TNIK: variants seen among roughly 807,000 people sequenced by gnomAD.
The protein encoded by TNIK is TRAF2 and NCK interacting kinase, also known as TRAF2 and NCK-interacting protein kinase.
In TNIK, 49 loss-of-function variants were observed where a neutral mutation model predicts 191.3. That is an observed-to-expected ratio of 0.26 (90% CI 0.20 to 0.32). TNIK has a LOEUF of 0.32. Ranked by LOEUF, TNIK falls within the 10% of genes least tolerant of loss-of-function variation. TNIK has a pLI of 1.00. For missense variants in TNIK, 1,155 were observed against 1,702.3 expected (o/e 0.68, Z 5.66); for synonymous variants, 594 against 600.9 (o/e 0.99, Z 0.17).
At chr3:171,119,294 C>T (rs891411868) in intron 18 of TNIK, among the ~76,000 whole-genome samples, 1 of 152,132 alleles carries the variant, frequency 6.6e-6, no homozygotes, top group African/African-American at 2.4e-5. Context: ...GGAAACAACA[C>T]GTCCTGGAGA....
intron 2 of TNIK, among the ~76,000 whole-genome samples, chr3:171,335,292 GTT>G (rs1339072193): frequency 6.6e-6 from 1 of 152,098 alleles, no homozygotes; most frequent in Non-Finnish European, 1.5e-5. Context: ...TCCAAATTTT[GTT>G]TTTTCTTGTT....
intron 2 of TNIK, among the ~76,000 whole-genome samples, chr3:171,302,571 C>T (rs544926010): frequency 6.6e-6 from 1 of 151,728 alleles, no homozygotes; most frequent in African/African-American, 2.4e-5. Context: ...GGAACCCGAA[C>T]ATTAGACTTT....
intron 2 of TNIK, among the ~76,000 whole-genome samples, chr3:171,320,881 G>T (rs955638530): frequency 2.6e-5 from 4 of 152,144 alleles, no homozygotes; most frequent in Non-Finnish European, 5.9e-5. Context: ...ACTCCTGCTG[G>T]CTTGCCTAAA....
chr3:171,120,125 GTCTTC>G (rs1272874637), intron 18 of TNIK, among the ~76,000 whole-genome samples: 2 of 152,054 alleles, frequency 1.3e-5, no homozygotes, highest in Admixed American at 6.5e-5. Flanking sequence ...TAATTCAAGA[GTCTTC>G]TCTTCAGGGT....
intron 2 of TNIK, among the ~76,000 whole-genome samples, chr3:171,269,309 C>A (rs1338327634): frequency 3.9e-5 from 6 of 152,232 alleles, no homozygotes; most frequent in Admixed American, 3.9e-4. Flanking sequence ...TCCAGACACA[C>A]AGTTGAAACA....
rs545299858 is a variant in TNIK at position 171,360,173 on chromosome 3, A to G, written c.123+9447T>C. 9.2e-5 allele frequency among the ~76,000 whole-genome samples: 14 copies of G among 152,332 alleles called. No individual in the cohort carries two copies. The South Asian group carries it at 2.9e-3, about 32-fold the overall frequency. ...TCATCACTATTAGAAATTTTGTATC[A>G]TCATTCACTGAGGCAGTGAGAACCT... is the stretch of plus-strand genomic sequence containing the variant. On this transcript the variant is annotated intron_variant, in intron 2 of 32. Coordinates refer to ENST00000436636, the MANE Select transcript of TNIK (RefSeq NM_015028.4).
chr3:171,128,836 T>C lies in TNIK; in HGVS notation c.1651A>G (p.Met551Val). ...SRLNRQSSPAMPHKVANRISD... is the reference protein window; with the variant it reads ...SRLNRQSSPAVPHKVANRISD... The stretch of plus-strand genomic sequence containing the variant: ...ATCCTGTTGGCAACCTTGTGAGGCA[T>C]GGCAGGGGAACTTTGCCGGTTGAGC... The change falls in exon 16 of 33, where the codon ATG (methionine) becomes GTG (valine). Residue 551 changes from methionine (M) to valine (V), a missense_variant. Around this residue, in one of 3 missense-constraint regions of TNIK, gnomAD observed 735 missense variants for 848.0 expected, o/e 0.87. Transcript: ENST00000436636. The C allele has an allele frequency of 6.4e-7, 1 of 1,566,022 alleles. No individual in the cohort carries two copies. Among genetic ancestry groups the C allele is most frequent in the Non-Finnish European group, 8.6e-7 (1 of 1,161,188 alleles).
chr3:171,331,407 G>C (rs545203123), intron 2 of TNIK, among the ~76,000 whole-genome samples: 15 of 152,246 alleles, frequency 9.9e-5, no homozygotes, highest in African/African-American at 3.6e-4. Flanking sequence ...TTAGCTTCCA[G>C]TTTTGGCGAG....
chr3:171,235,272 C>T (rs532593666), intron 2 of TNIK, among the ~76,000 whole-genome samples: 2 of 152,294 alleles, frequency 1.3e-5, no homozygotes, highest in Admixed American at 1.3e-4. Flanking sequence ...GAACTCTTGA[C>T]CTCAAGTGAT....
chr3:171,429,916 T>C (rs1243830750), intron 1 of TNIK, among the ~76,000 whole-genome samples: 4 of 152,146 alleles, frequency 2.6e-5, no homozygotes, highest in African/African-American at 2.4e-5. Context: ...GTGTGGCTCA[T>C]CACAGTGATT....
chr3:171,103,145 C>T (rs1007446922), intron 21 of TNIK, among the ~76,000 whole-genome samples: 3 of 151,936 alleles, frequency 2.0e-5, no homozygotes, highest in African/African-American at 4.8e-5. Flanking sequence ...AAAAATTCAA[C>T]CTTTGCATTA....
intron 4 of TNIK, among the ~76,000 whole-genome samples, chr3:171,196,993 G>T (rs913793575): frequency 6.6e-6 from 1 of 152,202 alleles, no homozygotes; most frequent in African/African-American, 2.4e-5. Context: ...CTGACTTTGT[G>T]ATCCGCCCGC....
Position 171,167,201 on chromosome 3 carries a change from T to C in TNIK, c.843A>G (p.Glu281=). The C allele has an allele frequency of 6.2e-7, 1 of 1,614,008 alleles. No individual in the cohort carries two copies. The highest frequency in any genetic ancestry group is 8.5e-7 in the Non-Finnish European group (1 of 1,179,894). ...GTATAAATGGATGCTTCATCAATTGTTCTGTTGCTGGTCGCTGGCTGTGAT... is the reference window on the plus strand; with the variant it reads ...GTATAAATGGATGCTTCATCAATTGCTCTGTTGCTGGTCGCTGGCTGTGAT... ...VKNHSQRPAT[E]QLMKHPFIRD... is the part of the protein sequence containing the mutation. The change falls in exon 10 of 33, where the codon GAA becomes GAG. Residue 281 remains glutamate (E), a synonymous_variant. Transcript: ENST00000436636.
chr3:171,432,173 C>A (rs1297709268), intron 1 of TNIK, among the ~76,000 whole-genome samples: 1 of 152,022 alleles, frequency 6.6e-6, no homozygotes, highest in Non-Finnish European at 1.5e-5. Context: ...GCCTAAGATG[C>A]AAGAGGAAAG....
At chr3:171,233,153 G>C (rs1743873219) in intron 2 of TNIK, among the ~76,000 whole-genome samples, 1 of 152,186 alleles carries the variant, frequency 6.6e-6, no homozygotes, top group South Asian at 2.1e-4. Flanking sequence ...CACAGGTAGA[G>C]AGTGGCTCAT....
At chr3:171,203,450 AT>A (rs1739663702) in intron 4 of TNIK, among the ~76,000 whole-genome samples, 1 of 152,192 alleles carries the variant, frequency 6.6e-6, no homozygotes, top group South Asian at 2.1e-4. Context: ...CAAATTTGAT[AT>A]GTGCCCTCTA....
At chr3:171,414,584 G>C (rs1379908217) in intron 1 of TNIK, among the ~76,000 whole-genome samples, 1 of 152,202 alleles carries the variant, frequency 6.6e-6, no homozygotes, top group Non-Finnish European at 1.5e-5. Context: ...TGCTAAGTGG[G>C]ACTGCTCAGG....
intron 21 of TNIK, among the ~76,000 whole-genome samples, chr3:171,104,847 T>C (rs774324783): frequency 2.0e-5 from 3 of 152,134 alleles, no homozygotes; most frequent in Non-Finnish European, 2.9e-5. Flanking sequence ...TTCCATCCAA[T>C]CTAAATTGAT....
chr3:171,219,626 C>T (rs528016751), intron 3 of TNIK, among the ~76,000 whole-genome samples: 1 of 152,054 alleles, frequency 6.6e-6, no homozygotes, highest in Non-Finnish European at 1.5e-5. Context: ...ATGCAACCAA[C>T]AGACATATGA....
Sources: allele counts gnomAD v4.1 joint callset (sites outside exome capture counted in the v4.1 genomes callset), GRCh38; gene constraint gnomAD v4.1.1; regional missense constraint gnomAD v4.1.1; transcripts MANE v1.5; gene names NCBI Gene and HGNC (gene_info 2026-07-23, HGNC 2026-07-21).